Variants in DCDC2 observed in about 807,000 individuals in gnomAD.
The protein encoded by DCDC2 is doublecortin domain containing 2.
DCDC2 carries 40 observed loss-of-function variants against 50.2 expected under a neutral mutation model. The observed-to-expected ratio is 0.80, with a 90% confidence interval of 0.62 to 1.04. DCDC2 has a LOEUF of 1.04. DCDC2 is among the 50% of genes least tolerant of loss of function. DCDC2 has a pLI of 0.00. For missense variants in DCDC2, 570 were observed against 581.9 expected (o/e 0.98, Z 0.21); for synonymous variants, 234 against 210.6 (o/e 1.11, Z -0.96).
rs1231099273 is a variant in DCDC2, at chr6:24,289,986, T to C, written c.704+946A>G. On this transcript the variant is annotated intron_variant, in intron 5 of 9. Coordinates refer to ENST00000378454, the MANE Select transcript of DCDC2 (RefSeq NM_016356.5). ...CAGAGCTCTTCTTTTTTTTTTTTTT[T>C]TTTTTTTTTTTTTTTTTTTTTTTTT... Among the ~76,000 whole-genome samples the C allele has an allele frequency of 1.5e-3, 95 of 64,242 alleles. 5 individuals carry two copies. Among genetic ancestry groups the C allele is most frequent in the African/African-American group, 7.9e-3 (86 of 10,934 alleles). 42.1% of individuals were successfully genotyped at this position (64,242 alleles called of 152,430 possible).
intron 7 of DCDC2, among the ~76,000 whole-genome samples, chr6:24,217,528 C>T (rs530884046): frequency 8.5e-5 from 13 of 152,256 alleles, no homozygotes; most frequent in Admixed American, 1.3e-4. Context: ...AAGTGGTTTA[C>T]GGTGTAAATG....
chr6:24,321,924 G>A (rs1412257015), intron 2 of DCDC2, among the ~76,000 whole-genome samples: 4 of 151,448 alleles, frequency 2.6e-5, no homozygotes, highest in East Asian at 2.0e-4. Context: ...CTTTCTTGAA[G>A]ACTAGTTTTG....
chr6:24,327,149 T>G (rs1229199764), intron 2 of DCDC2, among the ~76,000 whole-genome samples: 1 of 149,446 alleles, frequency 6.7e-6, no homozygotes, highest in African/African-American at 2.4e-5. Flanking sequence ...TGAGGGGAAC[T>G]GAATTACAGG....
rs9467098 is a variant in DCDC2 at position 24,278,346 on chromosome 6, A to G, written c.760-135T>C. On this transcript the variant is annotated intron_variant, in intron 6 of 9. Transcript: ENST00000378454. Reference sequence around the variant, plus strand: ...TATTGTCCTGGTTCTGCAACTGTCTATCTTTATACATTAACTCCAAATGTA... The same window carrying G: ...TATTGTCCTGGTTCTGCAACTGTCTGTCTTTATACATTAACTCCAAATGTA... 4.7e-3 allele frequency: 3,205 copies of G among 676,884 alleles called. 78 individuals are homozygous for G. The African/African-American group carries it at 0.05, about 11-fold the overall frequency. The allele number at this position is 676,884 out of a possible 1,614,324, so 41.9% of individuals were successfully genotyped here.
the DCDC2 span, among the ~76,000 whole-genome samples, chr6:24,374,816 CA>C: frequency 3.3e-5 from 5 of 152,150 alleles, no homozygotes; most frequent in Admixed American, 3.3e-4. Context: ...CCTGTGGTTT[CA>C]GGGGGAGCCC....
intron 4 of DCDC2, among the ~76,000 whole-genome samples, chr6:24,300,315 G>A (rs928029668): frequency 1.3e-5 from 2 of 152,036 alleles, no homozygotes; most frequent in East Asian, 1.9e-4. Context: ...CTGCACAATC[G>A]AGGCTGCAGT....
the DCDC2 span, among the ~76,000 whole-genome samples, chr6:24,363,758 A>G: frequency 1.0e-3 from 158 of 152,238 alleles, 1 homozygote; most frequent in Middle Eastern, 6.8e-3. Context: ...CACATTTTGA[A>G]TTCAAGGCAT....
At chr6:24,252,496 G>T (rs1762814686) in intron 7 of DCDC2, among the ~76,000 whole-genome samples, 1 of 152,160 alleles carries the variant, frequency 6.6e-6, no homozygotes, top group Non-Finnish European at 1.5e-5. Context: ...ATTGAAACCA[G>T]AATTTTAAGG....
intron 2 of DCDC2, among the ~76,000 whole-genome samples, chr6:24,338,082 T>G (rs1239958850): frequency 6.6e-6 from 1 of 152,212 alleles, no homozygotes; most frequent in African/African-American, 2.4e-5. Flanking sequence ...TGTGAGCTCT[T>G]GAGAAACATG....
chr6:24,201,425 G>T (rs1277203634), intron 8 of DCDC2, among the ~76,000 whole-genome samples: 1 of 152,124 alleles, frequency 6.6e-6, no homozygotes, highest in Non-Finnish European at 1.5e-5. Flanking sequence ...CGAAATGAAG[G>T]CAGAAATAAA....
intron 2 of DCDC2, among the ~76,000 whole-genome samples, chr6:24,306,539 TAGATAGACAGACAGACAGAC>T (rs1398367720): frequency 6.5e-5 from 7 of 108,514 alleles, no homozygotes; most frequent in African/African-American, 2.0e-4. Context: ...GATAGATAGA[TAGATAGACAGACAGACAGAC>T]AGACAGACAG....
At chr6:24,214,362 C>A (rs1222630945) in intron 7 of DCDC2, among the ~76,000 whole-genome samples, 1 of 152,124 alleles carries the variant, frequency 6.6e-6, no homozygotes, top group Non-Finnish European at 1.5e-5. Flanking sequence ...TTTCCCAGAT[C>A]ACAGGTAATT....
At chr6:24,284,065 A>C (rs1283110421) in intron 6 of DCDC2, among the ~76,000 whole-genome samples, 4 of 152,214 alleles carry the variant, frequency 2.6e-5, no homozygotes, top group Non-Finnish European at 4.4e-5. Context: ...TTAGTACTTC[A>C]GAATCTCTGG....
chr6:24,219,217 A>C (rs574661291), intron 7 of DCDC2, among the ~76,000 whole-genome samples: 1 of 152,382 alleles, frequency 6.6e-6, no homozygotes, highest in South Asian at 2.1e-4. Context: ...TATAGTCAAG[A>C]AACATTTTTT....
intron 2 of DCDC2, among the ~76,000 whole-genome samples, chr6:24,315,573 C>T (rs1759645615): frequency 6.6e-6 from 1 of 152,070 alleles, no homozygotes; most frequent in Non-Finnish European, 1.5e-5. Flanking sequence ...ATAAAATAGT[C>T]AAGACCCCTG....
At chr6:24,182,644 A>AAAAC (rs1554142848) in intron 8 of DCDC2, among the ~76,000 whole-genome samples, 1 of 150,208 alleles carries the variant, frequency 6.7e-6, no homozygotes, top group Non-Finnish European at 1.5e-5. Context: ...AAAAAAAAAA[A>AAAAC]CAGAAGAAAA....
At chr6:24,229,636 A>G (rs988559130) in intron 7 of DCDC2, among the ~76,000 whole-genome samples, 12 of 152,214 alleles carry the variant, frequency 7.9e-5, no homozygotes, top group Non-Finnish European at 2.9e-5. Flanking sequence ...CAAATAGAAA[A>G]GCTGATTTCA....
chr6:24,281,768 G>A (rs1228903747), intron 6 of DCDC2, among the ~76,000 whole-genome samples: 2 of 151,974 alleles, frequency 1.3e-5, no homozygotes, highest in Non-Finnish European at 2.9e-5. Context: ...TAAGAGATAG[G>A]GGAGTTTTGC....
At chr6:24,301,611 T>C (rs920474133) in intron 4 of DCDC2, 104 bp downstream of exon 4, 4 of 1,402,696 alleles carry the variant, frequency 2.9e-6, no homozygotes, top group Non-Finnish European at 3.9e-6. Context: ...GGGGCCTAAC[T>C]GGGGAGCCAA....
Sources: gnomAD v4.1 joint callset for allele counts (sites outside exome capture counted in the v4.1 genomes callset) on GRCh38, gnomAD v4.1.1 for gene constraint, MANE v1.5 for transcripts, NCBI Gene and HGNC (gene_info 2026-07-23, HGNC 2026-07-21) for gene names.